The following POU2F2 variants were observed in gnomAD, a reference collection of about 807,000 sequenced individuals.
POU2F2 encodes POU domain, class 2, transcription factor 2.
A neutral mutation model predicts 63.5 loss-of-function variants in POU2F2; 14 were observed. The observed-to-expected ratio is 0.22, with a 90% CI of 0.15 to 0.34. The LOEUF (loss-of-function observed/expected upper bound fraction) is 0.34. POU2F2 is among the 10% of genes least tolerant of loss of function. POU2F2 has a pLI of 1.00. For missense variants in POU2F2, 607 were observed against 815.2 expected, an observed-to-expected ratio of 0.74 and a Z score of 3.11; for synonymous variants, 306 against 348.6, an observed-to-expected ratio of 0.88 and a Z score of 1.36.
In POU2F2 at chr19:42,155,408, C is replaced by T. The variant is rs1329987864; in HGVS notation, c.-9+4924G>A. On this transcript the variant is annotated intron_variant, in intron 2 of 6. Transcript: ENST00000524801. This position sits in a 1 kb window ranked among gnomAD's most constrained non-coding sequence, Gnocchi z 4.2. ...CCCTGGGTCTCCCTCTCCCTCCACTCCCATCTGGTGTATTCTGGATTCCCC... is the reference window on the plus strand; with the variant it reads ...CCCTGGGTCTCCCTCTCCCTCCACTTCCATCTGGTGTATTCTGGATTCCCC... 6.6e-6 allele frequency among the ~76,000 whole-genome samples: 1 copy of T among 152,190 alleles called. No homozygotes were observed. The highest frequency in any genetic ancestry group is 1.5e-5 in the Non-Finnish European group (1 of 68,030).
chr19:42,112,286 T>A (rs913047426), intron 5 of POU2F2, among the ~76,000 whole-genome samples: 3 of 152,156 alleles, frequency 2.0e-5, no homozygotes, highest in Admixed American at 1.3e-4. Context: ...TTTCCCATCC[T>A]CAAGTCACGA....
At chr19:42,189,525 G>A (rs2035052796) in intron 1 of POU2F2, among the ~76,000 whole-genome samples, 1 of 152,170 alleles carries the variant, frequency 6.6e-6, no homozygotes, top group Admixed American at 6.5e-5. Context: ...CTCTCCCTCT[G>A]TTGTGAGTGC....
intron 2 of POU2F2, among the ~76,000 whole-genome samples, chr19:42,157,988 C>T (rs2034488823): frequency 6.6e-6 from 1 of 152,126 alleles, no homozygotes; most frequent in African/African-American, 2.4e-5. Context: ...AGGAGGCCTC[C>T]AGACATGTTT....
chr19:42,165,734 A>C (rs2034636926), intron 1 of POU2F2, among the ~76,000 whole-genome samples: 1 of 152,200 alleles, frequency 6.6e-6, no homozygotes, highest in Non-Finnish European at 1.5e-5. Context: ...TGAGAAGCCA[A>C]CAAGACCGTG....
rs890890327 is a variant in POU2F2, at chr19:42,096,352, C to G, written c.568-109G>C. 1 of 1,142,796 alleles carries G rather than the reference C, an allele frequency of 8.8e-7. No homozygotes were observed. The highest frequency in any genetic ancestry group is 1.6e-5 in the African/African-American group (1 of 64,110). 70.8% of individuals were successfully genotyped at this position (1,142,796 alleles called of 1,614,324 possible). ...CTCTTCGCCCCTGCGTTCCATCCGC[C>G]GCCTGCAGACTCCCCCCGCCTTCCT... On this transcript the variant is annotated intron_variant, in intron 7 of 14. Coordinates refer to ENST00000692977, the MANE Select transcript of POU2F2 (RefSeq NM_001394376.1). The surrounding 1 kb of genome is among the most constrained non-coding windows in gnomAD (Gnocchi z 4.1).
intron 1 of POU2F2, among the ~76,000 whole-genome samples, chr19:42,194,296 T>C (rs1381225877): frequency 6.6e-6 from 1 of 152,014 alleles, no homozygotes; most frequent in Non-Finnish European, 1.5e-5. Context: ...TGAGGTGGAT[T>C]GCTTGAGCCC....
intron 1 of POU2F2, among the ~76,000 whole-genome samples, chr19:42,165,676 C>A (rs1005432073): frequency 1.3e-5 from 2 of 152,190 alleles, no homozygotes. Context: ...TCAGTTTGCT[C>A]AAACATAGCA....
chr19:42,191,392 C>T (rs542773563), intron 1 of POU2F2, among the ~76,000 whole-genome samples: 15 of 152,354 alleles, frequency 9.8e-5, no homozygotes, highest in Middle Eastern at 6.8e-3. Flanking sequence ...TTCCATGACT[C>T]TCACAGCACT....
chr19:42,148,883 C>G (rs1055345246), intron 2 of POU2F2, among the ~76,000 whole-genome samples: 7 of 152,068 alleles, frequency 4.6e-5, no homozygotes, highest in African/African-American at 1.7e-4. Flanking sequence ...GGACATGGAC[C>G]CAGGCGTCTT....
rs563143598 is a variant in POU2F2 at position 42,092,538 on chromosome 19, C to T, written c.1265-268G>A. 1.8e-4 allele frequency among the ~76,000 whole-genome samples: 28 copies of T among 152,280 alleles called. No homozygotes were observed. The East Asian group carries it at 4.6e-3, about 25-fold the overall frequency. ...TCCCTGCCCTGAACCACTTTTTTAC[C>T]GACTAGAAACGGGGGTGCCCAGGAG... On this transcript the variant is annotated intron_variant, in intron 12 of 14. Transcript: ENST00000692977. The surrounding 1 kb of genome is among the most constrained non-coding windows in gnomAD (Gnocchi z 5.0).
chr19:42,197,156 G>A (rs891593423), upstream of POU2F2, among the ~76,000 whole-genome samples: 14 of 152,160 alleles, frequency 9.2e-5, no homozygotes, highest in African/African-American at 3.1e-4. Flanking sequence ...AAGGGTCAGG[G>A]CAAGGGAGTG....
upstream of POU2F2, among the ~76,000 whole-genome samples, chr19:42,135,576 C>T (rs988657304): frequency 5.9e-5 from 9 of 152,142 alleles, no homozygotes; most frequent in Non-Finnish European, 1.2e-4. Context: ...CCATGCCCAG[C>T]CTCAGCTCTG....
chr19:42,151,615 T>A (rs1018198934), intron 2 of POU2F2, among the ~76,000 whole-genome samples: 4 of 151,634 alleles, frequency 2.6e-5, no homozygotes, highest in Admixed American at 1.3e-4. Context: ...CAAGGTCGGA[T>A]GGGGGTGGGG....
chr19:42,165,300 T>C (rs2034628868), intron 1 of POU2F2, among the ~76,000 whole-genome samples: 1 of 152,172 alleles, frequency 6.6e-6, no homozygotes, highest in African/African-American at 2.4e-5. Flanking sequence ...CTGCTCTCAA[T>C]AGAGTGGGCG....
chr19:42,174,464 A>G (rs1397403806), intron 1 of POU2F2, among the ~76,000 whole-genome samples: 1 of 152,020 alleles, frequency 6.6e-6, no homozygotes, highest in Non-Finnish European at 1.5e-5. Context: ...GAATGCACAC[A>G]TAGCGAGTGA....
At chr19:42,192,054 T>C (rs2035080550) in intron 1 of POU2F2, among the ~76,000 whole-genome samples, 8 of 152,204 alleles carry the variant, frequency 5.3e-5, no homozygotes, top group Admixed American at 5.2e-4. Context: ...TCACTATGTA[T>C]GTTACACTTC....
intron 1 of POU2F2, among the ~76,000 whole-genome samples, chr19:42,126,390 C>T (rs2033199154): frequency 1.3e-5 from 2 of 151,506 alleles, no homozygotes; most frequent in Non-Finnish European, 2.9e-5. Flanking sequence ...TTGCAGGCAG[C>T]CGAGATCGTG....
chr19:42,095,541 T>G lies in POU2F2; in HGVS notation c.1020+4A>C, dbSNP rs539529962. ...GAGGGCCACCCAGGAGAGGGGGGCC[T>G]CACCGCTAGAAAACTCTTCTCTAAG... On this transcript the variant is annotated splice_donor_region_variant and intron_variant, in intron 10 of 14. Coordinates refer to ENST00000692977, the MANE Select transcript of POU2F2 (RefSeq NM_001394376.1). This position sits in a 1 kb window ranked among gnomAD's most constrained non-coding sequence, Gnocchi z 7.1. 1.9e-6 allele frequency: 3 copies of G among 1,600,596 alleles called. No individual in the cohort carries two copies. Among genetic ancestry groups the G allele is most frequent in the African/African-American group, 2.7e-5 (2 of 74,514 alleles).
At chr19:42,110,661 A>T (rs2030943201) in intron 5 of POU2F2, 1 of 452,504 alleles carries the variant, frequency 2.2e-6, no homozygotes, top group African/African-American at 2.0e-5. Flanking sequence ...TGGAGCCCAG[A>T]ATCCTGACTG....
Sources: gnomAD v4.1 joint callset for allele counts (sites outside exome capture counted in the v4.1 genomes callset) on GRCh38, gnomAD v4.1.1 for gene constraint, Gnocchi (gnomAD v3.1) non-coding constraint, MANE v1.5 for transcripts, NCBI Gene and HGNC (gene_info 2026-07-23, HGNC 2026-07-21) for gene names.